The following CWH43 variants were observed in gnomAD, a reference collection of about 807,000 sequenced individuals.
The protein encoded by CWH43 is PGAP2-interacting protein.
CWH43 carries 91 observed loss-of-function variants against 85.7 expected under a neutral mutation model. The ratio of observed to expected loss-of-function variants is 1.06; its 90% confidence interval spans 0.90 to 1.26. The LOEUF (loss-of-function observed/expected upper bound fraction) is 1.26, where lower values mean the gene tolerates loss of function less well. Among genes scored for constraint, CWH43 ranks in the 50% most tolerant of loss-of-function variants. The pLI is 0.00. For synonymous variants in CWH43, 323 were observed against 293.6 expected, an observed-to-expected ratio of 1.10 and a Z score of -1.02; for missense variants, 869 against 839.2, an observed-to-expected ratio of 1.04 and a Z score of -0.44.
intron 15 of CWH43, among the ~76,000 whole-genome samples, chr4:49,051,879 G>A (rs1272105576): frequency 6.6e-6 from 1 of 152,108 alleles, no homozygotes; most frequent in Non-Finnish European, 1.5e-5. Context: ...GCCCGGCCTT[G>A]TTTTGTTTTT....
At chr4:49,048,006 G>A (rs780041086) in intron 14 of CWH43, among the ~76,000 whole-genome samples, 29 of 152,288 alleles carry the variant, frequency 1.9e-4, no homozygotes, top group Non-Finnish European at 2.9e-4. Context: ...TAGGAGAGAA[G>A]GTGCTGAAGG....
intron 6 of CWH43, among the ~76,000 whole-genome samples, chr4:48,998,917 G>T (rs1297584225): frequency 6.6e-6 from 1 of 152,050 alleles, no homozygotes; most frequent in Admixed American, 6.6e-5. Context: ...TAAACTTATG[G>T]GTTACAAGTG....
At chr4:49,039,332 T>TATATATATATATATATATATATAC (rs1228183888) in intron 13 of CWH43, among the ~76,000 whole-genome samples, 15 of 48,498 alleles carry the variant, frequency 3.1e-4, no homozygotes, top group African/African-American at 9.8e-4. Context: ...TATATATATA[T>TATATATATATATATATATATATAC]ACTGATGTAT....
chr4:49,019,648 C>A (rs138444250), intron 9 of CWH43, among the ~76,000 whole-genome samples: 115 of 152,012 alleles, frequency 7.6e-4, no homozygotes, highest in African/African-American at 2.6e-3. Flanking sequence ...GGCATGATCT[C>A]GTTTCCCTGC....
At chr4:49,018,529 A>G (rs1185762568) in intron 9 of CWH43, among the ~76,000 whole-genome samples, 1 of 152,228 alleles carries the variant, frequency 6.6e-6, no homozygotes, top group Non-Finnish European at 1.5e-5. Flanking sequence ...GACAGGTAGT[A>G]AAACTTTTCT....
rs1420388382 is a variant in CWH43 at position 49,038,162 on chromosome 4, T to A, written c.1785T>A (p.Thr595=). The change falls in exon 13 of 16, where the codon ACT becomes ACA. Residue 595 remains threonine, a synonymous_variant. Transcript: ENST00000226432. The part of the protein sequence containing the change: ...APGSRDYLQL[T]EHGNVKDIDS... ...GCTCCAGAGATTATCTACAGCTCAC[T>A]GAACATGGCAATGTGAAGGTAACAT... 3 of 1,586,190 alleles carry A rather than the reference T, an allele frequency of 1.9e-6. No homozygotes were observed. The highest frequency in any genetic ancestry group is 2.6e-6 in the Non-Finnish European group (3 of 1,167,454).
intron 7 of CWH43, among the ~76,000 whole-genome samples, chr4:49,006,025 G>T (rs1783145234): frequency 6.6e-6 from 1 of 152,188 alleles, no homozygotes; most frequent in African/African-American, 2.4e-5. Context: ...TTCATCTAAT[G>T]AGAGAAACAC....
intron 5 of CWH43, 137 bp from the exon 6 acceptor site, chr4:48,998,323 T>G: frequency 1.6e-6 from 1 of 627,394 alleles, no homozygotes; most frequent in Non-Finnish European, 2.8e-6. Context: ...TCCAGTGGGC[T>G]CTCATGATCT....
At chr4:49,012,172 C>A (rs1401478972) in intron 8 of CWH43, among the ~76,000 whole-genome samples, 1 of 152,166 alleles carries the variant, frequency 6.6e-6, no homozygotes, top group Non-Finnish European at 1.5e-5. Flanking sequence ...TTGTTCATTT[C>A]TTTTCACTCT....
intron 10 of CWH43, among the ~76,000 whole-genome samples, chr4:49,029,767 C>A (rs1270035783): frequency 2.0e-5 from 3 of 152,246 alleles, no homozygotes; most frequent in African/African-American, 7.2e-5. Flanking sequence ...AAGCATAAAT[C>A]TGGCCTACTT....
Position 48,993,366 on chromosome 4 carries a change from C to T in CWH43, c.512-1253C>T, listed in dbSNP as rs188478720. ...CCCAGACCCCTGGCCTCCCTTCTGT[C>T]ACCACCGCCTTCTCCCATTCCATCC... On this transcript the variant is annotated intron_variant, in intron 4 of 15. Transcript: ENST00000226432. Among the ~76,000 whole-genome samples the T allele has an allele frequency of 2.9e-4, 44 of 152,264 alleles. No homozygotes were observed. The East Asian group carries it at 5.2e-3, about 18-fold the overall frequency.
intron 15 of CWH43, among the ~76,000 whole-genome samples, chr4:49,059,856 G>GT (rs1221794332): frequency 1.3e-5 from 2 of 152,160 alleles, no homozygotes; most frequent in Non-Finnish European, 2.9e-5. Flanking sequence ...GATGTGTGGG[G>GT]TTAGGCCTTC....
intron 11 of CWH43, among the ~76,000 whole-genome samples, chr4:49,031,766 T>C (rs967840029): frequency 1.3e-5 from 2 of 152,078 alleles, no homozygotes; most frequent in African/African-American, 4.8e-5. Flanking sequence ...TATTTTAGAA[T>C]AGAACCAACA....
At chr4:49,032,864 A>G in intron 12 of CWH43, 149 bp downstream of exon 12, 2 of 1,032,180 alleles carry the variant, frequency 1.9e-6, no homozygotes. Flanking sequence ...TAAAAATCAG[A>G]CAGAAGCATT....
chr4:49,058,765 G>C (rs1225946976), intron 15 of CWH43, among the ~76,000 whole-genome samples: 1 of 152,158 alleles, frequency 6.6e-6, no homozygotes, highest in Non-Finnish European at 1.5e-5. Flanking sequence ...CTTTCTTTTA[G>C]CACTTTGAAT....
chr4:49,020,416 C>CACACACATATAT lies in CWH43; in HGVS notation c.1266+3089_1266+3090insCACACATATATA, dbSNP rs140534523. On this transcript the variant is annotated intron_variant, in intron 9 of 15. Coordinates refer to ENST00000226432, the MANE Select transcript of CWH43 (RefSeq NM_025087.3). ...ACACACACACACACACACACACACA[C>CACACACATATAT]ATATATATATATAAATCATATTTTC... 3.8e-3 allele frequency among the ~76,000 whole-genome samples: 483 copies of CACACACATATAT among 128,356 alleles called. 2 individuals are homozygous for CACACACATATAT. Among genetic ancestry groups the CACACACATATAT allele is most frequent in the Middle Eastern group, 0.013 (3 of 228 alleles). The allele number at this position is 128,356 out of a possible 152,430, so 84.2% of individuals were successfully genotyped here.
chr4:49,009,459 C>A (rs1002785585), intron 8 of CWH43, among the ~76,000 whole-genome samples: 5 of 152,162 alleles, frequency 3.3e-5, no homozygotes, highest in Non-Finnish European at 7.3e-5. Flanking sequence ...TAACTGAATG[C>A]ACTTTATTCC....
intron 15 of CWH43, among the ~76,000 whole-genome samples, chr4:49,054,431 CT>C (rs1297229501): frequency 6.6e-6 from 1 of 152,106 alleles, no homozygotes; most frequent in Non-Finnish European, 1.5e-5. Flanking sequence ...ATTTTGGAAT[CT>C]GGTAGCGTGA....
At chr4:49,036,913 C>G (rs1224752879) in intron 12 of CWH43, among the ~76,000 whole-genome samples, 1 of 152,164 alleles carries the variant, frequency 6.6e-6, no homozygotes, top group South Asian at 2.1e-4. Flanking sequence ...GCTACATCTC[C>G]CACTAGTCGG....
Sources: gnomAD v4.1 joint callset for allele counts (sites outside exome capture counted in the v4.1 genomes callset) on GRCh38, gnomAD v4.1.1 for gene constraint, MANE v1.5 for transcripts, NCBI Gene and HGNC (gene_info 2026-07-23, HGNC 2026-07-21) for gene names.